Variants in WLS observed in about 807,000 individuals in gnomAD.
WLS encodes Wnt ligand secretion mediator.
In WLS, 23 loss-of-function variants were observed where a neutral mutation model predicts 62.8. That is an observed-to-expected ratio of 0.37 (90% CI 0.26 to 0.52). The LOEUF (loss-of-function observed/expected upper bound fraction) is 0.52, where lower values mean the gene tolerates loss of function less well. Ranked by LOEUF, WLS falls within the 20% of genes least tolerant of loss-of-function variation. The pLI, the probability that WLS is intolerant of heterozygous loss-of-function variation, is 0.92. For missense variants in WLS, 615 were observed against 697.3 expected (o/e 0.88, Z 1.33); for synonymous variants, 246 against 244.1 (o/e 1.01, Z -0.07).
Position 68,155,217 on chromosome 1 carries a change from G to A in WLS, c.548C>T (p.Pro183Leu), listed in dbSNP as rs753814975. 5.0e-6 allele frequency: 8 copies of A among 1,613,704 alleles called. No homozygotes were observed. In the Admixed American group the frequency reaches 1.3e-4, roughly 27 times the overall value. The change falls in exon 4 of 12, where the codon CCT (proline) becomes CTT (leucine). Residue 183 changes from proline to leucine, a missense_variant. Coordinates refer to ENST00000262348, the MANE Select transcript of WLS (RefSeq NM_024911.7). ...EGRYYECDVL[P>L]FMEIGSVAHK... ...GGCCACAGACCCAATTTCCATGAAA[G>A]GAAGGACATCACATTCATAGTAACG...
intron 11 of WLS, among the ~76,000 whole-genome samples, chr1:68,100,996 A>G (rs912150425): frequency 2.6e-5 from 4 of 152,154 alleles, no homozygotes; most frequent in Non-Finnish European, 2.9e-5. Flanking sequence ...ATATGTAAAC[A>G]TAAACGTGGC....
chr1:68,195,096 A>G (rs1009898183), intron 1 of WLS, among the ~76,000 whole-genome samples: 4 of 152,260 alleles, frequency 2.6e-5, no homozygotes, highest in African/African-American at 9.6e-5. Context: ...AAGTTTACAC[A>G]TGAATTAAAT....
chr1:68,162,227 T>C (rs1463912065), intron 2 of WLS: 1 of 1,493,060 alleles, frequency 6.7e-7, no homozygotes, highest in Non-Finnish European at 9.3e-7. Context: ...CCTCGTATCC[T>C]GCCCTCCTTG....
chr1:68,165,418 G>A (rs1008464053), intron 2 of WLS, among the ~76,000 whole-genome samples: 1 of 152,096 alleles, frequency 6.6e-6, no homozygotes, highest in Non-Finnish European at 1.5e-5. Context: ...TCTAGACCAC[G>A]CTCCGAGATG....
intron 11 of WLS, among the ~76,000 whole-genome samples, chr1:68,133,296 A>AC (rs1244964085): frequency 2.0e-5 from 3 of 152,202 alleles, no homozygotes; most frequent in African/African-American, 7.2e-5. Flanking sequence ...ATAGGAAGGA[A>AC]CCCAGGGGAA....
intron 1 of WLS, among the ~76,000 whole-genome samples, chr1:68,195,456 A>G (rs1435695412): frequency 2.0e-5 from 3 of 152,240 alleles, no homozygotes; most frequent in Non-Finnish European, 1.5e-5. Flanking sequence ...GCACACACAA[A>G]GTATAAAATA....
intron 3 of WLS, among the ~76,000 whole-genome samples, chr1:68,158,051 T>C (rs1445149420): frequency 6.6e-6 from 1 of 152,210 alleles, no homozygotes; most frequent in Non-Finnish European, 1.5e-5. Context: ...TACCTACAAA[T>C]GGCTTTCTCT....
chr1:68,228,122 A>G (rs1210597090), intron 1 of WLS: 1 of 355,354 alleles, frequency 2.8e-6, no homozygotes, highest in African/African-American at 2.1e-5. Flanking sequence ...TACATCCTCA[A>G]CATTAAAAAT....
chr1:68,160,745 A>G (rs1646961138), intron 2 of WLS, among the ~76,000 whole-genome samples: 1 of 152,192 alleles, frequency 6.6e-6, no homozygotes, highest in Non-Finnish European at 1.5e-5. Context: ...TTTGTCACAA[A>G]AACAGGAATG....
chr1:68,124,094 C>T (rs1486011261), downstream of WLS, among the ~76,000 whole-genome samples: 2 of 152,282 alleles, frequency 1.3e-5, no homozygotes, highest in Admixed American at 6.5e-5. Context: ...TGACTCTGAT[C>T]GATCTTTCTG....
chr1:68,231,168 G>A (rs372021006), intron 1 of WLS, among the ~76,000 whole-genome samples: 1 of 152,162 alleles, frequency 6.6e-6, no homozygotes, highest in East Asian at 1.9e-4. Flanking sequence ...CGGGAGGATG[G>A]ATGCAGATGG....
intron 2 of WLS, among the ~76,000 whole-genome samples, chr1:68,165,285 C>G (rs1647044428): frequency 6.6e-6 from 1 of 152,254 alleles, no homozygotes; most frequent in Non-Finnish European, 1.5e-5. Flanking sequence ...TTGGGCCCCA[C>G]ACTTTTAAAG....
intron 6 of WLS, 148 bp downstream of exon 6, chr1:68,150,040 G>T: frequency 1.3e-6 from 1 of 761,814 alleles, no homozygotes. Flanking sequence ...ATGTGAACCA[G>T]AGGGTCTGCC....
At chr1:68,193,041 G>A (rs1284988515) in intron 2 of WLS, among the ~76,000 whole-genome samples, 9 of 151,052 alleles carry the variant, frequency 6.0e-5, no homozygotes, top group East Asian at 3.9e-4. Flanking sequence ...CGCGGGAGGC[G>A]GAGATTGCAG....
At chr1:68,216,139 A>C (rs1557525796) in intron 1 of WLS, among the ~76,000 whole-genome samples, 1 of 152,218 alleles carries the variant, frequency 6.6e-6, no homozygotes, top group Non-Finnish European at 1.5e-5. Context: ...AGTGATTTCT[A>C]TCACAAGTAG....
chr1:68,138,967 A>G (rs968899884), intron 10 of WLS, among the ~76,000 whole-genome samples: 5 of 152,216 alleles, frequency 3.3e-5, no homozygotes, highest in Non-Finnish European at 7.3e-5. Flanking sequence ...TGTTTATGAT[A>G]CAGTGGGTCT....
chr1:68,130,889 C>CTTTTTTTTTT (rs56038722), intron 11 of WLS, among the ~76,000 whole-genome samples: 2 of 100,838 alleles, frequency 2.0e-5, no homozygotes, highest in African/African-American at 3.8e-5. Flanking sequence ...GTTTCTTCTT[C>CTTTTTTTTTT]TTTTTTTTTT....
At chr1:68,148,799 AAAG>A (rs1257556045) in intron 6 of WLS, 139 bp from the exon 7 acceptor site, 4 of 715,898 alleles carry the variant, frequency 5.6e-6, no homozygotes, top group East Asian at 2.9e-5. Flanking sequence ...GTATGAGAAC[AAAG>A]AAGATGAAAA....
intron 1 of WLS, among the ~76,000 whole-genome samples, chr1:68,200,917 G>A (rs773770305): frequency 2.0e-5 from 3 of 152,132 alleles, no homozygotes; most frequent in Non-Finnish European, 4.4e-5. Flanking sequence ...TCAAGGTGGG[G>A]AGGGTCGAAA....
Sources: allele counts gnomAD v4.1 joint callset (sites outside exome capture counted in the v4.1 genomes callset), GRCh38; gene constraint gnomAD v4.1.1; transcripts MANE v1.5; gene names NCBI Gene and HGNC (gene_info 2026-07-23, HGNC 2026-07-21).